NEK7: variants seen among roughly 807,000 people sequenced by gnomAD.
NEK7 encodes serine/threonine-protein kinase Nek7.
Under a neutral mutation model 44.6 loss-of-function variants are expected in NEK7, and 18 were observed. The ratio of observed to expected loss-of-function variants is 0.40; its 90% CI spans 0.28 to 0.60. The LOEUF (loss-of-function observed/expected upper bound fraction) is 0.60, where lower values mean the gene tolerates loss of function less well. NEK7 is among the 20% of genes least tolerant of loss of function. The pLI, the probability that NEK7 is intolerant of heterozygous loss-of-function variation, is 0.38. For missense variants in NEK7, 256 were observed against 366.5 expected, an observed-to-expected ratio of 0.70 and a Z score of 2.46; for synonymous variants, 130 against 121.1, an observed-to-expected ratio of 1.07 and a Z score of -0.48.
At chr1:198,158,295 A>G (rs72749477) in intron 1 of NEK7, among the ~76,000 whole-genome samples, 7,043 of 152,264 alleles carry the variant, frequency 0.046, 260 homozygotes, top group Middle Eastern at 0.071. Flanking sequence ...TAAAATGATT[A>G]TTCTCCTTTG....
At chr1:198,257,155 T>A (rs1014301044) in intron 3 of NEK7, among the ~76,000 whole-genome samples, 1 of 152,186 alleles carries the variant, frequency 6.6e-6, no homozygotes, top group Non-Finnish European at 1.5e-5. Context: ...GAGTTTTTTT[T>A]AGGAAGAAAA....
chr1:198,193,519 C>A (rs1665138441), intron 1 of NEK7, among the ~76,000 whole-genome samples: 1 of 152,096 alleles, frequency 6.6e-6, no homozygotes, highest in East Asian at 1.9e-4. Context: ...AAGAAAACTT[C>A]AGGCCAATAT....
chr1:198,305,833 G>A (rs1385099840), intron 9 of NEK7, among the ~76,000 whole-genome samples: 1 of 152,194 alleles, frequency 6.6e-6, no homozygotes, highest in African/African-American at 2.4e-5. Flanking sequence ...TTAGAAACCC[G>A]AGGAATTGGT....
chr1:198,217,143 A>G (rs1665944831), intron 1 of NEK7, among the ~76,000 whole-genome samples: 18 of 152,154 alleles, frequency 1.2e-4, no homozygotes. Flanking sequence ...AGGAAAGGAC[A>G]TAACTGAAAA....
At chr1:198,284,161 A>T (rs567689919) in intron 7 of NEK7, among the ~76,000 whole-genome samples, 2 of 152,298 alleles carry the variant, frequency 1.3e-5, no homozygotes, top group East Asian at 3.9e-4. Context: ...AGCTGTTCGT[A>T]TTCTAAAGTT....
intron 3 of NEK7, among the ~76,000 whole-genome samples, chr1:198,259,196 T>C (rs2102940524): frequency 6.6e-6 from 1 of 152,272 alleles, no homozygotes; most frequent in Admixed American, 6.5e-5. Context: ...AATTAAAGAT[T>C]TTCTATGTAG....
At chr1:198,226,246 A>G (rs1045896293) in intron 1 of NEK7, among the ~76,000 whole-genome samples, 1 of 152,160 alleles carries the variant, frequency 6.6e-6, no homozygotes, top group Non-Finnish European at 1.5e-5. Context: ...CTATAATAAC[A>G]TTAAGAACCC....
intron 5 of NEK7, among the ~76,000 whole-genome samples, chr1:198,271,475 A>T (rs575389446): frequency 7.6e-4 from 116 of 152,158 alleles, no homozygotes; most frequent in Non-Finnish European, 1.4e-3. Flanking sequence ...TCTTGTTCAC[A>T]TACTTGGTTT....
intron 1 of NEK7, among the ~76,000 whole-genome samples, chr1:198,224,225 G>C (rs1459353464): frequency 6.6e-6 from 1 of 152,006 alleles, no homozygotes; most frequent in Non-Finnish European, 1.5e-5. Context: ...AATTCCTATT[G>C]CCTAGTGATA....
At chr1:198,188,719 G>C (rs907162036) in intron 1 of NEK7, among the ~76,000 whole-genome samples, 1 of 152,060 alleles carries the variant, frequency 6.6e-6, no homozygotes, top group Non-Finnish European at 1.5e-5. Flanking sequence ...ATAAGAATAG[G>C]TATTTTTCAA....
intron 1 of NEK7, among the ~76,000 whole-genome samples, chr1:198,186,435 C>T (rs994912744): frequency 3.7e-4 from 57 of 152,108 alleles, no homozygotes; most frequent in Middle Eastern, 6.8e-3. Context: ...TGTTATTTGC[C>T]AGTTATCATA....
intron 1 of NEK7, among the ~76,000 whole-genome samples, chr1:198,231,178 A>G (rs1410120620): frequency 6.6e-6 from 1 of 150,874 alleles, no homozygotes; most frequent in East Asian, 1.9e-4. Flanking sequence ...TAGTAGGTAC[A>G]CTGTAGGGCA....
intron 1 of NEK7, among the ~76,000 whole-genome samples, chr1:198,165,672 T>TA (rs1664242845): frequency 6.6e-6 from 1 of 152,200 alleles, no homozygotes; most frequent in South Asian, 2.1e-4. Context: ...AGATTTAGCA[T>TA]AATTCTTAAG....
At chr1:198,266,863 T>C (rs1237045548) in intron 5 of NEK7, among the ~76,000 whole-genome samples, 1 of 152,124 alleles carries the variant, frequency 6.6e-6, no homozygotes, top group Non-Finnish European at 1.5e-5. Context: ...TGATCACTAC[T>C]CTTCTTCTAG....
intron 9 of NEK7, among the ~76,000 whole-genome samples, chr1:198,304,590 C>A (rs1308849726): frequency 6.6e-6 from 1 of 152,004 alleles, no homozygotes; most frequent in Non-Finnish European, 1.5e-5. Context: ...GTGTTAGTGA[C>A]CTAAAGCTGT....
At chr1:198,306,228 G>A (rs1655022763) in intron 9 of NEK7, among the ~76,000 whole-genome samples, 1 of 152,104 alleles carries the variant, frequency 6.6e-6, no homozygotes, top group African/African-American at 2.4e-5. Flanking sequence ...TCAAGCATTG[G>A]AACTAGCATT....
intron 1 of NEK7, among the ~76,000 whole-genome samples, chr1:198,192,580 G>A (rs1362609338): frequency 3.3e-5 from 5 of 151,976 alleles, no homozygotes; most frequent in Non-Finnish European, 5.9e-5. Flanking sequence ...GTACTTCTCA[G>A]CAAATGCAAA....
In NEK7 at chr1:198,290,027, G is replaced by A. The variant is rs145422848; in HGVS notation, c.590-2918G>A. On this transcript the variant is annotated intron_variant, in intron 7 of 9. Coordinates refer to ENST00000367385, the MANE Select transcript of NEK7 (RefSeq NM_133494.3). ...CAGGTAAGATTTTTAGTTGTTACCA[G>A]TTTTCCTCTAATGTCAGCCTCTGTT... 2.8e-3 allele frequency among the ~76,000 whole-genome samples: 428 copies of A among 152,242 alleles called. 3 individuals are homozygous for A. Among genetic ancestry groups the A allele is most frequent in the African/African-American group, 9.8e-3 (406 of 41,554 alleles).
chr1:198,247,920 G>C (rs1166297010), intron 2 of NEK7, among the ~76,000 whole-genome samples: 3 of 152,138 alleles, frequency 2.0e-5, no homozygotes, highest in African/African-American at 7.2e-5. Context: ...CTTATCAAAG[G>C]TTTCTTTGAA....
Sources: gnomAD v4.1 joint callset for allele counts (sites outside exome capture counted in the v4.1 genomes callset) on GRCh38, gnomAD v4.1.1 for gene constraint, MANE v1.5 for transcripts, NCBI Gene and HGNC (gene_info 2026-07-23, HGNC 2026-07-21) for gene names.